RUSC2: variants seen among roughly 807,000 people sequenced by gnomAD.
RUSC2 encodes the protein AP-4 complex accessory subunit RUSC2.
Under a neutral mutation model 122.2 loss-of-function variants are expected in RUSC2, and 34 were observed. The ratio of observed to expected loss-of-function variants is 0.28; its 90% confidence interval spans 0.21 to 0.37. RUSC2 has a LOEUF of 0.37. RUSC2 is among the 10% of genes least tolerant of loss of function. The probability of loss-of-function intolerance (pLI) is 1.00; values close to 1 mark genes in which losing one functional copy is unlikely to be tolerated. For missense variants in RUSC2, 1,747 were observed against 1,952.4 expected, an observed-to-expected ratio of 0.89 and a Z score of 1.98; for synonymous variants, 784 against 790.0, an observed-to-expected ratio of 0.99 and a Z score of 0.13.
Position 35,558,011 on chromosome 9 carries a change from A to G in RUSC2, c.3060+21A>G. On this transcript the variant is annotated intron_variant, in intron 6 of 11. Transcript: ENST00000361226. This position sits in a 1 kb window ranked among gnomAD's most constrained non-coding sequence, Gnocchi z 4.3. ...TGAAGGTAGGCAAGGAAATGTGGAG[A>G]GCTGAGCTCTGCCTGCAAGCCCTCA... 6.2e-7 allele frequency: 1 copy of G among 1,611,672 alleles called. No homozygotes were observed. Among genetic ancestry groups the G allele is most frequent in the Non-Finnish European group, 8.5e-7 (1 of 1,177,820 alleles).
At chr9:35,521,800 G>A (rs1821220957) in intron 1 of RUSC2, among the ~76,000 whole-genome samples, 1 of 152,226 alleles carries the variant, frequency 6.6e-6, no homozygotes, top group African/African-American at 2.4e-5. Flanking sequence ...ATGCCGTCTG[G>A]CCTCACTTGG....
chr9:35,508,518 T>C (rs766209056), intron 1 of RUSC2, among the ~76,000 whole-genome samples: 1 of 152,244 alleles, frequency 6.6e-6, no homozygotes, highest in Non-Finnish European at 1.5e-5. Context: ...CTTCTTGATA[T>C]GTGTGACAAT....
At position 35,555,265 on chromosome 9, in the gene RUSC2, A is replaced by G. The variant is rs1235153026; in HGVS notation, c.2220A>G (p.Gln740=). 1.4e-5 allele frequency: 23 copies of G among 1,613,360 alleles called. No individual in the cohort carries two copies. Among genetic ancestry groups the G allele is most frequent in the Non-Finnish European group, 1.9e-5 (23 of 1,180,010 alleles). ...CCCCACTGGCTGCCCCTGCTGCTCA[A>G]GTCTCAGTCCCAGCTCCCTCAGGGG... ...QPAPLAAPAA[Q]VSVPAPSGEP... is the part of the protein sequence containing the mutation. Residue 740 remains glutamine (Q), a synonymous_variant, in exon 3 of 12, where the codon CAA becomes CAG. Coordinates refer to ENST00000361226, the MANE Select transcript of RUSC2 (RefSeq NM_014806.5). This position sits in a 1 kb window ranked among gnomAD's most constrained non-coding sequence, Gnocchi z 4.6.
In RUSC2 at chr9:35,547,620, C is replaced by T. The variant is rs909610690; in HGVS notation, c.1099C>T (p.Arg367Cys). ...GCTTGATGCCAACTGCAACTCCTAC[C>T]GCCCACACTGTGAGCCGTGCCCAGC... Reference protein sequence around the residue: ...PELDANCNSYRPHCEPCPAVA... With the variant: ...PELDANCNSYCPHCEPCPAVA... Residue 367 changes from arginine (R) to cysteine (C), a missense_variant, in exon 2 of 12, where the codon CGC (arginine) becomes TGC (cysteine). Coordinates refer to ENST00000361226, the MANE Select transcript of RUSC2 (RefSeq NM_014806.5). The surrounding 1 kb of genome is among the most constrained non-coding windows in gnomAD (Gnocchi z 4.6). 5 of 1,614,092 alleles carry T rather than the reference C, an allele frequency of 3.1e-6. No homozygotes were observed. Among genetic ancestry groups the T allele is most frequent in the South Asian group, 2.2e-5 (2 of 91,090 alleles).
chr9:35,497,638 A>C (rs1820745247), intron 1 of RUSC2, among the ~76,000 whole-genome samples: 1 of 152,240 alleles, frequency 6.6e-6, no homozygotes, highest in African/African-American at 2.4e-5. Context: ...ACCTAGGGTG[A>C]TTAAAACATT....
At chr9:35,524,570 T>C (rs1363727469) in intron 1 of RUSC2, among the ~76,000 whole-genome samples, 1 of 152,190 alleles carries the variant, frequency 6.6e-6, no homozygotes, top group African/African-American at 2.4e-5. Context: ...AATGACCTCA[T>C]GTGTTGGGTT....
intron 1 of RUSC2, among the ~76,000 whole-genome samples, chr9:35,507,344 C>G (rs138353191): frequency 1.8e-3 from 269 of 152,226 alleles, no homozygotes; most frequent in African/African-American, 5.9e-3. Flanking sequence ...GTTGAAGCAT[C>G]CTCACTAGTA....
chr9:35,521,437 C>G (rs1821212788), intron 1 of RUSC2, among the ~76,000 whole-genome samples: 1 of 152,212 alleles, frequency 6.6e-6, no homozygotes, highest in African/African-American at 2.4e-5. Flanking sequence ...TAAAGAAAAG[C>G]AACTCTTTCA....
intron 1 of RUSC2, among the ~76,000 whole-genome samples, chr9:35,521,084 T>C (rs1234121319): frequency 6.6e-6 from 1 of 152,170 alleles, no homozygotes; most frequent in African/African-American, 2.4e-5. Flanking sequence ...AGTATAGGTG[T>C]GTTTATGTGT....
intron 2 of RUSC2, among the ~76,000 whole-genome samples, chr9:35,549,570 G>A (rs1016454736): frequency 6.6e-6 from 1 of 152,204 alleles, no homozygotes; most frequent in Non-Finnish European, 1.5e-5. Flanking sequence ...ATGTAAATCA[G>A]ACTGAAACGT....
chr9:35,555,987 G>A lies in RUSC2; in HGVS notation c.2692G>A (p.Glu898Lys). 2.5e-6 allele frequency: 4 copies of A among 1,614,198 alleles called. No homozygotes were observed. Among genetic ancestry groups the A allele is most frequent in the South Asian group, 1.1e-5 (1 of 91,088 alleles). ...HLSPQALKWR[E>K]YRRKNPLGPP... ...ATCCCCTCAAGCCCTCAAGTGGCGG[G>A]AATACAGGAGGAAGAACCCACTAGG... Residue 898 changes from glutamate (E) to lysine (K), a missense_variant, in exon 4 of 12, where the codon GAA becomes AAA. By Grantham distance (56) the Glu-to-Lys change is moderately conservative. Coordinates refer to ENST00000361226, the MANE Select transcript of RUSC2 (RefSeq NM_014806.5). The surrounding 1 kb of genome is among the most constrained non-coding windows in gnomAD (Gnocchi z 4.6).
intron 2 of RUSC2, 142 bp from the exon 3 acceptor site, chr9:35,554,918 C>T: frequency 1.2e-6 from 1 of 855,528 alleles, no homozygotes. Flanking sequence ...GAGCAGTGTC[C>T]CATTCCACGA....
In RUSC2 at chr9:35,558,346, T is replaced by C. The variant is rs768150713; in HGVS notation, c.3210T>C (p.Ser1070=). ...IIGQRKNMPW[S]VVEASTQLGP... ...GGCAGCGTAAGAACATGCCATGGAG[T>C]GTGGTTGAGGCTTCCACACAGCTAG... Residue 1070 remains serine, a synonymous_variant, in exon 7 of 12, where the codon AGT becomes AGC. Transcript: ENST00000361226. This position sits in a 1 kb window ranked among gnomAD's most constrained non-coding sequence, Gnocchi z 4.3. 6.2e-6 allele frequency: 10 copies of C among 1,613,616 alleles called. No individual in the cohort carries two copies. Among genetic ancestry groups the C allele is most frequent in the Non-Finnish European group, 6.8e-6 (8 of 1,179,908 alleles).
In RUSC2 at chr9:35,555,568, G is replaced by C. The variant is rs762760684; in HGVS notation, c.2523G>C (p.Leu841=). ...QQPQKEDQKI[L]TLTEYRLHGT... is the part of the protein sequence containing the mutation. ...CGCAGAAGGAGGATCAGAAGATACT[G>C]ACCTTGACTGAGTACCGGCTCCATG... Residue 841 remains leucine (L), a synonymous_variant, in exon 3 of 12, where the codon CTG becomes CTC. Transcript: ENST00000361226. The surrounding 1 kb of genome is among the most constrained non-coding windows in gnomAD (Gnocchi z 4.6). The C allele has an allele frequency of 8.7e-6, 14 of 1,613,978 alleles. No homozygotes were observed. The highest frequency in any genetic ancestry group is 3.4e-6 in the Non-Finnish European group (4 of 1,180,046).
At chr9:35,520,975 C>T (rs1311929744) in intron 1 of RUSC2, among the ~76,000 whole-genome samples, 1 of 152,168 alleles carries the variant, frequency 6.6e-6, no homozygotes, top group Non-Finnish European at 1.5e-5. Flanking sequence ...CTATAGTCTT[C>T]CTCTCTCCCC....
intron 1 of RUSC2, among the ~76,000 whole-genome samples, chr9:35,536,762 C>T (rs899582864): frequency 1.6e-5 from 2 of 123,778 alleles, no homozygotes. Flanking sequence ...TGCAGTGAGC[C>T]AAGATCGCGC....
chr9:35,554,843 ACAG>A (rs1371345177), intron 2 of RUSC2, among the ~76,000 whole-genome samples: 15 of 152,178 alleles, frequency 9.9e-5, no homozygotes, highest in Non-Finnish European at 2.2e-4. Flanking sequence ...GAGGGACTGA[ACAG>A]CAGAGAGGTA....
At position 35,547,738 on chromosome 9, in the gene RUSC2, C is replaced by G; in HGVS notation, c.1217C>G (p.Ser406Cys). 1 of 1,614,194 alleles carries G rather than the reference C, an allele frequency of 6.2e-7. No individual in the cohort carries two copies. Among genetic ancestry groups the G allele is most frequent in the Non-Finnish European group, 8.5e-7 (1 of 1,180,048 alleles). Reference protein sequence around the residue: ...YYKLVTCDLSSQSSPSPAGSS... With the variant: ...YYKLVTCDLSCQSSPSPAGSS... The stretch of plus-strand genomic sequence containing the variant: ...AAACTTGTCACCTGTGACCTATCTT[C>G]CCAATCATCCCCAAGCCCTGCTGGC... Residue 406 changes from serine (S) to cysteine (C), a missense_variant, in exon 2 of 12, where the codon TCC becomes TGC. By Grantham distance (112) the Ser-to-Cys change is moderately radical. Coordinates refer to ENST00000361226, the MANE Select transcript of RUSC2 (RefSeq NM_014806.5). This position sits in a 1 kb window ranked among gnomAD's most constrained non-coding sequence, Gnocchi z 4.6.
chr9:35,557,340 T>C lies in RUSC2; in HGVS notation c.2984-574T>C, dbSNP rs1822044439. On this transcript the variant is annotated intron_variant, in intron 5 of 11. Transcript: ENST00000361226. This position sits in a 1 kb window ranked among gnomAD's most constrained non-coding sequence, Gnocchi z 4.6. ...ACCTTCCTCCAGGACGCGAAGGGGA[T>C]GCAAGTGGGCAGGGGAGTGAGGGGT... 6.6e-6 allele frequency among the ~76,000 whole-genome samples: 1 copy of C among 152,062 alleles called. No individual in the cohort carries two copies. Among genetic ancestry groups the C allele is most frequent in the African/African-American group, 2.4e-5 (1 of 41,402 alleles).
Sources: gnomAD v4.1 joint callset for allele counts (sites outside exome capture counted in the v4.1 genomes callset) on GRCh38, gnomAD v4.1.1 for gene constraint, Gnocchi (gnomAD v3.1) non-coding constraint, MANE v1.5 for transcripts, NCBI Gene and HGNC (gene_info 2026-07-23, HGNC 2026-07-21) for gene names.